USH2A: variants seen among roughly 807,000 people sequenced by gnomAD.
USH2A encodes the protein Usher syndrome 2A (autosomal recessive, mild).
A neutral mutation model predicts 538.9 loss-of-function variants in USH2A; 443 were observed. That is an observed-to-expected ratio of 0.82 (90% CI 0.76 to 0.89). The LOEUF is 0.89. Ranked by LOEUF, USH2A falls within the 40% of genes least tolerant of loss-of-function variation. USH2A has a pLI of 0.00. For synonymous variants in USH2A, 2,413 were observed against 2,273.5 expected (o/e 1.06, Z -1.75); for missense variants, 6,633 against 6,324.8 (o/e 1.05, Z -1.65).
At chr1:216,423,174 T>C (rs374081239) in intron 1 of USH2A, 40 bp downstream of exon 1, 1 of 152,214 alleles carries the variant, frequency 6.6e-6, no homozygotes, top group Admixed American at 6.6e-5. Flanking sequence ...GGATCCCTAA[T>C]ACTGTGCAAG....
At chr1:215,978,014 C>T (rs987864169) in intron 35 of USH2A, among the ~76,000 whole-genome samples, 2 of 152,076 alleles carry the variant, frequency 1.3e-5, no homozygotes, top group African/African-American at 4.8e-5. Context: ...GTGGTCCTGG[C>T]TATTTGAGAG....
At chr1:215,798,548 C>A (rs192003557) in intron 50 of USH2A, among the ~76,000 whole-genome samples, 35 of 152,086 alleles carry the variant, frequency 2.3e-4, no homozygotes, top group Non-Finnish European at 4.4e-4. Flanking sequence ...TAGCTTAATA[C>A]AGTAGAATAA....
intron 9 of USH2A, among the ~76,000 whole-genome samples, chr1:216,321,565 C>T (rs1394106356): frequency 6.6e-6 from 1 of 152,040 alleles, no homozygotes; most frequent in Non-Finnish European, 1.5e-5. Context: ...TAGTGCCATG[C>T]TATCCAAACA....
At chr1:215,735,726 T>C (rs1208162274) in intron 60 of USH2A, among the ~76,000 whole-genome samples, 2 of 152,094 alleles carry the variant, frequency 1.3e-5, no homozygotes, top group African/African-American at 2.4e-5. Context: ...AAATATACTA[T>C]ATATTTAAAG....
rs760977747 is a variant in USH2A, at chr1:215,900,175, A to T, written c.7494T>A (p.Ser2498Arg). The T allele has an allele frequency of 7.6e-5, 123 of 1,613,100 alleles. No individual in the cohort carries two copies. The highest frequency in any genetic ancestry group is 1.0e-4 in the Non-Finnish European group (119 of 1,179,322). Residue 2498 changes from serine (S) to arginine (R), a missense_variant, in exon 40 of 72, where the codon AGT becomes AGA. By Grantham distance (110) the Ser-to-Arg change is moderately radical. Transcript: ENST00000307340. ...NPSASLSYEV[S>R]DLQPYTEYMF... ...TATACTCTGTGTACGGTTGGAGATC[A>T]CTCACTTCATAGCTTAACGATGCAG...
intron 61 of USH2A, among the ~76,000 whole-genome samples, chr1:215,684,953 T>G (rs1468317756): frequency 6.6e-6 from 1 of 151,328 alleles, no homozygotes; most frequent in Non-Finnish European, 1.5e-5. Flanking sequence ...ACCTCTGTAT[T>G]CTTAAGTTGA....
intron 60 of USH2A, among the ~76,000 whole-genome samples, chr1:215,739,694 G>C (rs556543469): frequency 1.2e-4 from 19 of 152,316 alleles, no homozygotes; most frequent in African/African-American, 4.1e-4. Flanking sequence ...TGTTTGCTGA[G>C]AAGAAATTTG....
chr1:216,373,315 A>T (rs2038751342), intron 3 of USH2A, among the ~76,000 whole-genome samples: 1 of 152,190 alleles, frequency 6.6e-6, no homozygotes, highest in Admixed American at 6.5e-5. Context: ...GAACGTGAAA[A>T]TATCTTGGAA....
intron 32 of USH2A, among the ~76,000 whole-genome samples, chr1:216,037,719 G>C (rs1170555321): frequency 6.6e-6 from 1 of 151,636 alleles, no homozygotes; most frequent in Non-Finnish European, 1.5e-5. Flanking sequence ...GGGTACAAGG[G>C]CAGGCTTGTT....
intron 35 of USH2A, among the ~76,000 whole-genome samples, chr1:215,990,912 C>G (rs1667989595): frequency 6.6e-6 from 1 of 151,866 alleles, no homozygotes; most frequent in African/African-American, 2.4e-5. Context: ...CAGGCACCTG[C>G]CACTATGCCC....
At chr1:216,326,939 A>G (rs1229178110) in intron 5 of USH2A, among the ~76,000 whole-genome samples, 2 of 152,182 alleles carry the variant, frequency 1.3e-5, no homozygotes, top group Admixed American at 1.3e-4. Context: ...AGAAAGTTCA[A>G]AGGCATCCTA....
At chr1:215,790,422 A>T (rs919622824) in intron 50 of USH2A, 140 bp from the exon 51 acceptor site, 23 of 862,032 alleles carry the variant, frequency 2.7e-5, no homozygotes, top group Admixed American at 1.7e-4. Context: ...TTTCCCTACC[A>T]AGGTGATTTA....
At chr1:215,727,157 A>G (rs1025774111) in intron 61 of USH2A, among the ~76,000 whole-genome samples, 3 of 151,848 alleles carry the variant, frequency 2.0e-5, no homozygotes, top group African/African-American at 7.3e-5. Context: ...AACTTTGTGT[A>G]TGTGTGTGTG....
chr1:216,165,083 A>G (rs150269110), intron 21 of USH2A, among the ~76,000 whole-genome samples: 2,077 of 152,204 alleles, frequency 0.014, 23 homozygotes, highest in Non-Finnish European at 0.021. Context: ...CAATACCTCC[A>G]TTGTCCTTGA....
intron 60 of USH2A, among the ~76,000 whole-genome samples, chr1:215,730,196 T>A (rs542946672): frequency 3.3e-5 from 5 of 152,358 alleles, no homozygotes; most frequent in African/African-American, 1.2e-4. Flanking sequence ...TTGGAACAGT[T>A]CTTTTCTCAT....
intron 23 of USH2A, 56 bp downstream of exon 23, chr1:216,088,957 G>T: frequency 1.9e-6 from 3 of 1,605,786 alleles, no homozygotes; most frequent in Non-Finnish European, 2.6e-6. Flanking sequence ...CAACAGAAAA[G>T]TATGGCAACA....
At chr1:215,991,241 T>C (rs976867223) in intron 35 of USH2A, among the ~76,000 whole-genome samples, 49 of 152,130 alleles carry the variant, frequency 3.2e-4, no homozygotes, top group African/African-American at 1.2e-3. Flanking sequence ...AAGGAAGATA[T>C]GTTATAAGGC....
intron 37 of USH2A, among the ~76,000 whole-genome samples, chr1:215,942,778 CA>C (rs941537897): frequency 6.6e-6 from 1 of 151,476 alleles, no homozygotes; most frequent in Non-Finnish European, 1.5e-5. Flanking sequence ...GAGTATAAGC[CA>C]AAAAAAATCC....
At chr1:215,953,875 C>T (rs1423212458) in intron 37 of USH2A, among the ~76,000 whole-genome samples, 1 of 151,892 alleles carries the variant, frequency 6.6e-6, no homozygotes, top group African/African-American at 2.4e-5. Flanking sequence ...AAGAAAAAAA[C>T]AAACAACCCC....
Sources: allele counts gnomAD v4.1 joint callset (sites outside exome capture counted in the v4.1 genomes callset), GRCh38; gene constraint gnomAD v4.1.1; transcripts MANE v1.5; gene names NCBI Gene and HGNC (gene_info 2026-07-23, HGNC 2026-07-21).